Variants in DYM observed in about 807,000 individuals in gnomAD.
DYM encodes dymeclin.
Under a neutral mutation model 93.1 loss-of-function variants are expected in DYM, and 78 were observed. The observed-to-expected ratio is 0.84, with a 90% confidence interval of 0.70 to 1.01. The LOEUF (loss-of-function observed/expected upper bound fraction) is 1.01. DYM is among the 50% of genes least tolerant of loss of function. The pLI is 0.00. For synonymous variants in DYM, 321 were observed against 319.7 expected (o/e 1.00, Z -0.04); for missense variants, 789 against 845.0 (o/e 0.93, Z 0.82).
intron 2 of DYM, among the ~76,000 whole-genome samples, chr18:49,428,694 A>G (rs1264949169): frequency 6.6e-6 from 1 of 152,080 alleles, no homozygotes; most frequent in Non-Finnish European, 1.5e-5. Flanking sequence ...AAATAAATAA[A>G]TAAGTGGTTG....
At chr18:49,181,573 A>G (rs1421808538) in intron 14 of DYM, among the ~76,000 whole-genome samples, 1 of 152,150 alleles carries the variant, frequency 6.6e-6, no homozygotes, top group Non-Finnish European at 1.5e-5. Context: ...TTGAAATCCA[A>G]AATGCTCCAG....
chr18:49,373,249 G>T (rs2067208127), intron 5 of DYM, among the ~76,000 whole-genome samples: 1 of 152,128 alleles, frequency 6.6e-6, no homozygotes, highest in Admixed American at 6.5e-5. Flanking sequence ...AGTCCGCAAT[G>T]CAAAGTGAAA....
intron 5 of DYM, among the ~76,000 whole-genome samples, chr18:49,377,514 C>G (rs765114834): frequency 1.3e-5 from 2 of 151,918 alleles, no homozygotes; most frequent in African/African-American, 2.4e-5. Flanking sequence ...GAGCCAAGAT[C>G]GCACCACTGC....
intron 2 of DYM, among the ~76,000 whole-genome samples, chr18:49,425,008 A>C (rs1485601057): frequency 1.3e-5 from 2 of 152,164 alleles, no homozygotes; most frequent in African/African-American, 4.8e-5. Context: ...CCATCAAGCT[A>C]CCGATGACTT....
At chr18:49,406,385 AC>A (rs2071502393) in intron 2 of DYM, among the ~76,000 whole-genome samples, 1 of 152,044 alleles carries the variant, frequency 6.6e-6, no homozygotes, top group African/African-American at 2.4e-5. Context: ...AAGTGGTGAA[AC>A]CCCGTCTCTA....
At chr18:49,360,940 C>A (rs2065962003) in intron 6 of DYM, among the ~76,000 whole-genome samples, 1 of 152,210 alleles carries the variant, frequency 6.6e-6, no homozygotes, top group Non-Finnish European at 1.5e-5. Flanking sequence ...ACAGCCCAAG[C>A]ATTGCCTCCA....
chr18:49,156,732 CAAAAAAA>C (rs1224742522), intron 15 of DYM, among the ~76,000 whole-genome samples: 3 of 63,194 alleles, frequency 4.7e-5, no homozygotes, highest in Non-Finnish European at 1.1e-4. Flanking sequence ...AACGCTGTCT[CAAAAAAA>C]AAAAAAAAAA....
At chr18:49,048,395 T>C (rs898727372) in intron 17 of DYM, 1 of 152,038 alleles carries the variant, frequency 6.6e-6, no homozygotes, top group Middle Eastern at 3.2e-3. Context: ...AATAATAACA[T>C]CTTACATTTC....
At chr18:49,097,203 A>G (rs1200253221) in intron 17 of DYM, 199 bp downstream of exon 17, 2 of 615,176 alleles carry the variant, frequency 3.3e-6, no homozygotes, top group African/African-American at 3.7e-5. Flanking sequence ...TGCCATGGCT[A>G]CTTGTAGGAT....
chr18:49,099,356 G>A (rs1205296342), intron 16 of DYM, among the ~76,000 whole-genome samples: 2 of 152,032 alleles, frequency 1.3e-5, no homozygotes, highest in African/African-American at 4.8e-5. Context: ...CTGATCCCAG[G>A]GCCTAGTCAG....
At chr18:49,249,295 T>TTATTATA (rs201557845) in intron 13 of DYM, among the ~76,000 whole-genome samples, 2,155 of 152,316 alleles carry the variant, frequency 0.014, 49 homozygotes, top group African/African-American at 0.049. Flanking sequence ...TATAAATTTA[T>TTATTATA]CATTAAATGG....
At chr18:49,232,821 T>C (rs986221322) in intron 13 of DYM, among the ~76,000 whole-genome samples, 3 of 151,382 alleles carry the variant, frequency 2.0e-5, no homozygotes, top group Non-Finnish European at 4.4e-5. Flanking sequence ...GTTGGCTAGG[T>C]TGGTCTTGAA....
At chr18:49,090,210 G>A (rs936735116) in intron 17 of DYM, among the ~76,000 whole-genome samples, 6 of 152,176 alleles carry the variant, frequency 3.9e-5, no homozygotes, top group Non-Finnish European at 5.9e-5. Context: ...AGAAACTCAA[G>A]GAGAGTCAGA....
intron 6 of DYM, among the ~76,000 whole-genome samples, chr18:49,354,716 A>T (rs184560672): frequency 2.6e-5 from 4 of 152,158 alleles, no homozygotes; most frequent in African/African-American, 9.6e-5. Flanking sequence ...CTGCAAATTA[A>T]AACAATGAGA....
At chr18:49,121,773 G>A (rs558955854) in intron 15 of DYM, among the ~76,000 whole-genome samples, 1 of 152,272 alleles carries the variant, frequency 6.6e-6, no homozygotes, top group East Asian at 1.9e-4. Flanking sequence ...AAATGTAGTG[G>A]CATCATTAAA....
intron 14 of DYM, among the ~76,000 whole-genome samples, chr18:49,175,399 G>A (rs2089268385): frequency 6.6e-6 from 1 of 152,086 alleles, no homozygotes; most frequent in Non-Finnish European, 1.5e-5. Context: ...TTAAAATGAA[G>A]GAAAGACTAA....
intron 13 of DYM, among the ~76,000 whole-genome samples, chr18:49,223,590 T>C (rs1481807082): frequency 6.6e-6 from 1 of 152,074 alleles, no homozygotes; most frequent in Non-Finnish European, 1.5e-5. Context: ...AAGGGAAGTG[T>C]TGTTAATATT....
At chr18:49,203,386 A>G (rs1239061003) in intron 14 of DYM, among the ~76,000 whole-genome samples, 16 of 138,448 alleles carry the variant, frequency 1.2e-4, no homozygotes, top group Non-Finnish European at 6.2e-5. Flanking sequence ...GGCCAGGATG[A>G]CAATGGCGGC....
At chr18:49,282,439 C>A (rs141459258) in intron 9 of DYM, among the ~76,000 whole-genome samples, 1 of 152,182 alleles carries the variant, frequency 6.6e-6, no homozygotes, top group Non-Finnish European at 1.5e-5. Context: ...ATGGTGAAAC[C>A]CCATCTCTAC....
Sources: allele counts gnomAD v4.1 joint callset (sites outside exome capture counted in the v4.1 genomes callset), GRCh38; gene constraint gnomAD v4.1.1; transcripts MANE v1.5; gene names NCBI Gene and HGNC (gene_info 2026-07-23, HGNC 2026-07-21).